ZC3H18: variants seen among roughly 807,000 people sequenced by gnomAD.
ZC3H18 encodes zinc finger CCCH-type containing 18.
In ZC3H18, 8 loss-of-function variants were observed where a neutral mutation model predicts 106.1. The observed-to-expected ratio is 0.08, with a 90% CI of 0.04 to 0.14. ZC3H18 has a LOEUF of 0.14. Ranked by LOEUF, ZC3H18 falls within the 10% of genes least tolerant of loss-of-function variation. ZC3H18 has a pLI of 1.00. For synonymous variants in ZC3H18, 635 were observed against 522.1 expected (o/e 1.22, Z -2.95); for missense variants, 1,318 against 1,278.4 (o/e 1.03, Z -0.47).
intron 6 of ZC3H18, among the ~76,000 whole-genome samples, chr16:88,600,920 C>G (rs563727056): frequency 6.6e-6 from 1 of 152,322 alleles, no homozygotes; most frequent in African/African-American, 2.4e-5. Flanking sequence ...TTTAGCAGCC[C>G]TGTACATTTC....
chr16:88,625,611 A>G (rs1906255829), intron 13 of ZC3H18: 1 of 332,804 alleles, frequency 3.0e-6, no homozygotes, highest in Non-Finnish European at 5.7e-6. Context: ...CCAGCAGGGC[A>G]GAGGCTGGGC....
chr16:88,577,698 A>T lies in ZC3H18; in HGVS notation c.575A>T (p.Asp192Val), dbSNP rs775234786. 2 of 1,613,680 alleles carry T rather than the reference A, an allele frequency of 1.2e-6. No homozygotes were observed. The highest frequency in any genetic ancestry group is 2.7e-5 in the African/African-American group (2 of 75,022). The change falls in exon 2 of 18, where the codon GAT (aspartate) becomes GTT (valine). Residue 192 changes from aspartate (D) to valine (V), a missense_variant. Physicochemically the swap from Asp to Val is radical, Grantham distance 152. Transcript: ENST00000301011. ...AAGGAGAAAAAGAAAGAGGACGATGATGGAGAAATCGATGATGGGGAAATA... is the reference window on the plus strand; with the variant it reads ...AAGGAGAAAAAGAAAGAGGACGATGTTGGAGAAATCGATGATGGGGAAATA... ...AAKEKKKEDD[D>V]GEIDDGEIDD...
At chr16:88,625,402 G>A in intron 13 of ZC3H18, 135 bp downstream of exon 13, 1 of 1,076,424 alleles carries the variant, frequency 9.3e-7, no homozygotes, top group Non-Finnish European at 1.4e-6. Flanking sequence ...CCCTGGGGCT[G>A]TGGAAGGCTG....
At position 88,630,598 on chromosome 16, in the gene ZC3H18, A is replaced by G; in HGVS notation, c.2663+17A>G. On this transcript the variant is annotated intron_variant, in intron 17 of 17. Transcript: ENST00000301011. ...GGCTGACAGGTGAGTCCCACCCAGC[A>G]TGTGCCCTGGGCACACCGAGGGGGC... 1 of 1,590,388 alleles carries G rather than the reference A, an allele frequency of 6.3e-7. No individual in the cohort carries two copies. Among genetic ancestry groups the G allele is most frequent in the African/African-American group, 1.3e-5 (1 of 74,874 alleles).
At chr16:88,599,214 C>T (rs1029982869) in intron 5 of ZC3H18, among the ~76,000 whole-genome samples, 14 of 151,752 alleles carry the variant, frequency 9.2e-5, no homozygotes, top group Non-Finnish European at 1.9e-4. Context: ...GAGCCGCACC[C>T]CCAGGATCTG....
intron 13 of ZC3H18, chr16:88,625,960 C>G (rs1313787707): frequency 1.3e-5 from 2 of 150,066 alleles, no homozygotes; most frequent in East Asian, 4.0e-4. Context: ...GTAGCTGAGA[C>G]TACAGGCGCA....
At chr16:88,595,894 C>G (rs931703860) in intron 3 of ZC3H18, among the ~76,000 whole-genome samples, 1 of 152,140 alleles carries the variant, frequency 6.6e-6, no homozygotes, top group Non-Finnish European at 1.5e-5. Context: ...CCCACATTCC[C>G]GACAGTTGGG....
chr16:88,581,202 A>C (rs557492799), intron 2 of ZC3H18, among the ~76,000 whole-genome samples: 1 of 152,166 alleles, frequency 6.6e-6, no homozygotes, highest in Non-Finnish European at 1.5e-5. Context: ...GGGTCTCACT[A>C]TGTTGCCCAG....
intron 8 of ZC3H18, among the ~76,000 whole-genome samples, chr16:88,614,257 G>A (rs985406674): frequency 3.9e-5 from 6 of 152,264 alleles, no homozygotes; most frequent in African/African-American, 1.2e-4. Context: ...AGGGGCCACA[G>A]TTCTCATGCT....
rs369742732 is a variant in ZC3H18 at position 88,588,191 on chromosome 16, TAAC to T, written c.688+1512_688+1514del. 7.2e-5 allele frequency among the ~76,000 whole-genome samples: 11 copies of T among 152,310 alleles called. No individual in the cohort carries two copies. The East Asian group carries it at 1.2e-3, about 16-fold the overall frequency. On this transcript the variant is annotated intron_variant, in intron 3 of 17. Coordinates refer to ENST00000301011, the MANE Select transcript of ZC3H18 (RefSeq NM_144604.4). ...CTCTTTTCCATAATAGTGTGGGAAT[TAAC>T]AACATCAGTGTCTCAAATTTCTGTA...
At position 88,624,737 on chromosome 16, in the gene ZC3H18, C is replaced by G. The variant is rs1357303617; in HGVS notation, c.2034C>G (p.Pro678=). The G allele has an allele frequency of 3.1e-6, 5 of 1,612,010 alleles. No homozygotes were observed. The highest frequency in any genetic ancestry group is 1.1e-5 in the South Asian group (1 of 90,984). Residue 678 remains proline, a synonymous_variant, in exon 12 of 18, where the codon CCC becomes CCG. Coordinates refer to ENST00000301011, the MANE Select transcript of ZC3H18 (RefSeq NM_144604.4). ...ARRKERPART[P]PRRRTLSGSG... Reference sequence around the variant, plus strand: ...GGAAGGAGCGGCCAGCCAGGACCCCCCCCAGGAGGTGAGCACTCCGGCGTC... The same window carrying G: ...GGAAGGAGCGGCCAGCCAGGACCCCGCCCAGGAGGTGAGCACTCCGGCGTC...
At chr16:88,572,297 C>G (rs1199941783) in intron 1 of ZC3H18, among the ~76,000 whole-genome samples, 1 of 152,216 alleles carries the variant, frequency 6.6e-6, no homozygotes, top group Non-Finnish European at 1.5e-5. Flanking sequence ...GTAGCACCTG[C>G]TCTTTATTAT....
rs1286310356 is a variant in ZC3H18, at chr16:88,622,532, A to G, written c.1667+144A>G. 4.4e-6 allele frequency: 4 copies of G among 899,244 alleles called. No homozygotes were observed. In the African/African-American group the frequency reaches 5.1e-5, roughly 11 times the overall value. The allele number at this position is 899,244 out of a possible 1,614,324, so 55.7% of individuals were successfully genotyped here. A position where few individuals can be genotyped will look rare whatever the true frequency, so the allele number is the denominator to read the frequency against. On this transcript the variant is annotated intron_variant, in intron 9 of 17. Transcript: ENST00000301011. ...TACCTGCAGACCAGTCAGTGGGACT[A>G]ACCCGGCGTTTATACCTTCAGCAAA...
Position 88,598,679 on chromosome 16 carries a change from T to C in ZC3H18, c.897T>C (p.Ser299=), listed in dbSNP as rs1298189755. The part of the protein sequence containing the change: ...PPPPPEPPTE[S]AWERGLRHAK... ...CCCCTCCAGAGCCCCCAACAGAGAG[T>C]GCCTGGGAACGAGGACTCCGGCATG... Residue 299 remains serine (S), a synonymous_variant, in exon 5 of 18, where the codon AGT becomes AGC. Transcript: ENST00000301011. 2 of 1,612,890 alleles carry C rather than the reference T, an allele frequency of 1.2e-6. No homozygotes were observed. Among genetic ancestry groups the C allele is most frequent in the Admixed American group, 3.3e-5 (2 of 59,904 alleles).
intron 3 of ZC3H18, among the ~76,000 whole-genome samples, chr16:88,597,023 C>T (rs1371733869): frequency 6.6e-6 from 1 of 152,188 alleles, no homozygotes; most frequent in African/African-American, 2.4e-5. Context: ...TGGGTTCACG[C>T]CATTCTCCTG....
At position 88,570,546 on chromosome 16, in the gene ZC3H18, C is replaced by A; in HGVS notation, c.-35C>A. 6.6e-6 allele frequency: 1 copy of A among 152,042 alleles called. No individual in the cohort carries two copies. The highest frequency in any genetic ancestry group is 2.0e-4 in the South Asian group (1 of 4,982). The allele number at this position is 152,042 out of a possible 1,614,324, so 9.4% of individuals were successfully genotyped here. On this transcript the variant is annotated 5_prime_UTR_variant, in exon 1 of 18. Coordinates refer to ENST00000301011, the MANE Select transcript of ZC3H18 (RefSeq NM_144604.4). ...TCCGACTCCAGGGGAGCCGTGGCCT[C>A]CTCTCCGCCCTAGCGCTGAGGTTAG... is the stretch of plus-strand genomic sequence containing the variant.
At chr16:88,607,054 C>G (rs1332611678) in intron 6 of ZC3H18, among the ~76,000 whole-genome samples, 1 of 152,122 alleles carries the variant, frequency 6.6e-6, no homozygotes, top group African/African-American at 2.4e-5. Flanking sequence ...GTTGTGGGCC[C>G]CGCCAGGAGT....
intron 10 of ZC3H18, 166 bp downstream of exon 10, chr16:88,623,510 C>T (rs1172753277): frequency 3.3e-6 from 3 of 910,546 alleles, no homozygotes; most frequent in Non-Finnish European, 4.8e-6. Flanking sequence ...CCCCACCAAA[C>T]ACCAGCCTTG....
In ZC3H18 at chr16:88,609,062, C is replaced by CT. The variant is rs757863456; in HGVS notation, c.1206+13dup. ...TATCATAATTACCGAGTAAGTATGA[C>CT]TTCAATATCCACATATGAACTTCAT... On this transcript the variant is annotated intron_variant, in intron 7 of 17. Transcript: ENST00000301011. 3 of 1,578,830 alleles carry CT rather than the reference C, an allele frequency of 1.9e-6. No homozygotes were observed. The highest frequency in any genetic ancestry group is 2.6e-6 in the Non-Finnish European group (3 of 1,149,184).
Sources: allele counts gnomAD v4.1 joint callset (sites outside exome capture counted in the v4.1 genomes callset), GRCh38; gene constraint gnomAD v4.1.1; transcripts MANE v1.5; gene names NCBI Gene and HGNC (gene_info 2026-07-23, HGNC 2026-07-21).